The following CTNNA3 variants were observed in gnomAD, a reference collection of about 807,000 sequenced individuals.
The protein encoded by CTNNA3 is catenin alpha-3.
CTNNA3 carries 76 observed loss-of-function variants against 95.7 expected under a neutral mutation model. That is an observed-to-expected ratio of 0.79 (90% confidence interval 0.66 to 0.96). CTNNA3 has a LOEUF of 0.96. Ranked by LOEUF, CTNNA3 falls within the 40% of genes least tolerant of loss-of-function variation. The probability of loss-of-function intolerance (pLI) is 0.00; values close to 1 mark genes in which losing one functional copy is unlikely to be tolerated. For synonymous variants in CTNNA3, 431 were observed against 374.4 expected (o/e 1.15, Z -1.74); for missense variants, 1,191 against 1,089.8 (o/e 1.09, Z -1.31).
At chr10:67,531,649 A>G (rs1472017437) in intron 4 of CTNNA3, among the ~76,000 whole-genome samples, 1 of 152,160 alleles carries the variant, frequency 6.6e-6, no homozygotes. Flanking sequence ...TGGACTTTTG[A>G]GTTAATGCTG....
At chr10:66,075,115 T>C (rs575676702) in intron 14 of CTNNA3, among the ~76,000 whole-genome samples, 1 of 152,020 alleles carries the variant, frequency 6.6e-6, no homozygotes, top group East Asian at 1.9e-4. Context: ...TCCAAGACTG[T>C]ATTAATAGCA....
At chr10:66,786,676 C>A (rs990344792) in intron 7 of CTNNA3, among the ~76,000 whole-genome samples, 15 of 152,150 alleles carry the variant, frequency 9.9e-5, no homozygotes, top group Admixed American at 3.9e-4. Flanking sequence ...ATAATAACTT[C>A]ATTTTACCTG....
chr10:66,751,819 C>A (rs1285155555), intron 9 of CTNNA3, among the ~76,000 whole-genome samples: 1 of 151,876 alleles, frequency 6.6e-6, no homozygotes, highest in Non-Finnish European at 1.5e-5. Context: ...AAAGAAAAAC[C>A]CATAAACTAA....
intron 7 of CTNNA3, among the ~76,000 whole-genome samples, chr10:66,853,382 T>C (rs1843565457): frequency 6.6e-6 from 1 of 152,210 alleles, no homozygotes; most frequent in African/African-American, 2.4e-5. Context: ...TCCAGATAAC[T>C]CTCTTTTATG....
chr10:66,336,190 A>G (rs929166999), intron 12 of CTNNA3, among the ~76,000 whole-genome samples: 2 of 151,942 alleles, frequency 1.3e-5, no homozygotes, highest in Admixed American at 6.6e-5. Flanking sequence ...GGGTGAGGCA[A>G]TGCCTCACCC....
chr10:66,720,611 T>A (rs1278790702), intron 9 of CTNNA3, among the ~76,000 whole-genome samples: 1 of 152,086 alleles, frequency 6.6e-6, no homozygotes, highest in African/African-American at 2.4e-5. Context: ...GGCGGGTGGA[T>A]CACCTGAGGT....
At chr10:67,341,041 AT>A (rs571670315) in intron 5 of CTNNA3, among the ~76,000 whole-genome samples, 43 of 152,202 alleles carry the variant, frequency 2.8e-4, no homozygotes, top group African/African-American at 8.9e-4. Flanking sequence ...GTTTTTATTT[AT>A]TTTTTCAATT....
chr10:66,316,755 G>T (rs2092106800), intron 12 of CTNNA3, among the ~76,000 whole-genome samples: 1 of 152,126 alleles, frequency 6.6e-6, no homozygotes, highest in South Asian at 2.1e-4. Flanking sequence ...TGAACAAAAT[G>T]ATATTATTCA....
chr10:67,115,173 A>G (rs1447288106), intron 7 of CTNNA3, among the ~76,000 whole-genome samples: 11 of 152,164 alleles, frequency 7.2e-5, no homozygotes, highest in Non-Finnish European at 1.5e-5. Flanking sequence ...TGCCTCATGC[A>G]AAAGCCTCAT....
intron 7 of CTNNA3, among the ~76,000 whole-genome samples, chr10:67,136,923 T>C (rs1860332069): frequency 1.3e-5 from 2 of 152,162 alleles, no homozygotes; most frequent in South Asian, 4.1e-4. Context: ...TGAGTATTAG[T>C]TCATTTTTAG....
rs555757317 is a variant in CTNNA3 at position 66,256,757 on chromosome 10, C to T, written c.1884+23713G>A. Among the ~76,000 whole-genome samples, 3 of 151,822 alleles carry T rather than the reference C, an allele frequency of 2.0e-5. No individual in the cohort carries two copies. In the South Asian group the frequency reaches 6.2e-4, roughly 32 times the overall value. ...AGCGTAAATTGGAGGAGAAAAAATG[C>T]CGTCGCCAACTAATTACATGGCGAC... On this transcript the variant is annotated intron_variant, in intron 13 of 17. Transcript: ENST00000433211.
chr10:66,146,392 G>A (rs781549772), intron 13 of CTNNA3, among the ~76,000 whole-genome samples: 1 of 152,122 alleles, frequency 6.6e-6, no homozygotes. Context: ...TTATTTAACA[G>A]GAGTTACTCC....
At chr10:67,011,274 G>T (rs1852315494) in intron 7 of CTNNA3, among the ~76,000 whole-genome samples, 2 of 151,576 alleles carry the variant, frequency 1.3e-5, no homozygotes, top group African/African-American at 4.9e-5. Flanking sequence ...CCAGCAGACG[G>T]AGGTTGCAGT....
rs375614544 is a variant in CTNNA3 at position 66,465,658 on chromosome 10, C to A, written c.1531+54959G>T. ...TCAGACTCAGGAAGCACATCCTGTG[C>A]ATTCTGGACTGACCTGCTACAAGAC... On this transcript the variant is annotated intron_variant, in intron 11 of 17. Transcript: ENST00000433211. Among the ~76,000 whole-genome samples, 5 of 152,176 alleles carry A rather than the reference C, an allele frequency of 3.3e-5. No individual in the cohort carries two copies. In the South Asian group the frequency reaches 8.3e-4, roughly 25 times the overall value.
At chr10:67,331,515 A>G (rs1322572068) in intron 5 of CTNNA3, among the ~76,000 whole-genome samples, 3 of 141,802 alleles carry the variant, frequency 2.1e-5, no homozygotes, top group South Asian at 2.6e-4. Flanking sequence ...TTCTCCTCCA[A>G]CTGGGGGAGG....
intron 11 of CTNNA3, among the ~76,000 whole-genome samples, chr10:66,404,331 G>A (rs1162354811): frequency 6.6e-6 from 1 of 152,116 alleles, no homozygotes; most frequent in Non-Finnish European, 1.5e-5. Flanking sequence ...TCTCTTACAT[G>A]GGCCAGCTTC....
intron 13 of CTNNA3, among the ~76,000 whole-genome samples, chr10:66,131,980 C>T (rs750278216): frequency 3.9e-5 from 6 of 151,942 alleles, no homozygotes; most frequent in East Asian, 1.9e-4. Flanking sequence ...CCATTCAGGA[C>T]GTGGGAAGGG....
At chr10:66,619,564 G>A in intron 10 of CTNNA3, among the ~76,000 whole-genome samples, 1 of 85,020 alleles carries the variant, frequency 1.2e-5, no homozygotes, top group African/African-American at 4.1e-5. Context: ...GACTGTTGTA[G>A]GGTGGGGGGA....
intron 17 of CTNNA3, among the ~76,000 whole-genome samples, chr10:65,921,984 T>C (rs2077093756): frequency 6.6e-6 from 1 of 152,138 alleles, no homozygotes; most frequent in Admixed American, 6.6e-5. Context: ...ATAGCAACCC[T>C]ATGAGGTAAG....
Sources: gnomAD v4.1 joint callset for allele counts (sites outside exome capture counted in the v4.1 genomes callset) on GRCh38, gnomAD v4.1.1 for gene constraint, MANE v1.5 for transcripts, NCBI Gene and HGNC (gene_info 2026-07-23, HGNC 2026-07-21) for gene names.